Variants in GPC5 observed in about 807,000 individuals in gnomAD.
GPC5 encodes the protein glypican 5.
Under a neutral mutation model 53.9 loss-of-function variants are expected in GPC5, and 47 were observed. The ratio of observed to expected loss-of-function variants is 0.87; its 90% CI spans 0.69 to 1.11. The LOEUF is 1.11. Ranked by LOEUF, GPC5 falls within the 50% of genes most tolerant of loss-of-function variation. GPC5 has a pLI of 0.00. For missense variants in GPC5, 748 were observed against 713.1 expected, an observed-to-expected ratio of 1.05 and a Z score of -0.56; for synonymous variants, 286 against 263.3, an observed-to-expected ratio of 1.09 and a Z score of -0.84.
intron 2 of GPC5, among the ~76,000 whole-genome samples, chr13:91,484,689 A>G (rs993799301): frequency 6.6e-6 from 1 of 152,174 alleles, no homozygotes; most frequent in Non-Finnish European, 1.5e-5. Context: ...TTGCTTTCAC[A>G]TATTTTGTTG....
At chr13:92,135,981 CAGT>C (rs775004837) in intron 6 of GPC5, among the ~76,000 whole-genome samples, 1 of 152,004 alleles carries the variant, frequency 6.6e-6, no homozygotes, top group Non-Finnish European at 1.5e-5. Context: ...TTGAAAGAGA[CAGT>C]AGAAAAGTTT....
At chr13:92,422,855 C>A (rs2139364544) in intron 7 of GPC5, among the ~76,000 whole-genome samples, 1 of 152,334 alleles carries the variant, frequency 6.6e-6, no homozygotes, top group South Asian at 2.1e-4. Context: ...ATGAGTCACA[C>A]CATCAAAGCT....
intron 6 of GPC5, among the ~76,000 whole-genome samples, chr13:92,006,963 T>C (rs2040612705): frequency 7.1e-6 from 1 of 140,932 alleles, no homozygotes; most frequent in Non-Finnish European, 1.6e-5. Context: ...TCTGCTTTAA[T>C]TACATATCTT....
intron 6 of GPC5, among the ~76,000 whole-genome samples, chr13:92,122,431 A>C (rs1320026228): frequency 6.6e-6 from 1 of 151,870 alleles, no homozygotes; most frequent in African/African-American, 2.4e-5. Context: ...CGTAGCTCCG[A>C]TTACGCTTCT....
chr13:92,751,806 T>TTAAG lies in GPC5; in HGVS notation c.1562-114474_1562-114471dup, dbSNP rs1555309456. On this transcript the variant is annotated intron_variant, in intron 7 of 7. Transcript: ENST00000377067. ...CGTATGAGGGACATGACTTAAAACA[T>TTAAG]TAAGTTTGCAGCCCCATAGTTAAGT... Among the ~76,000 whole-genome samples, 8 of 152,210 alleles carry TTAAG rather than the reference T, an allele frequency of 5.3e-5. No individual in the cohort carries two copies. In the South Asian group the frequency reaches 1.7e-3, roughly 32 times the overall value.
intron 6 of GPC5, among the ~76,000 whole-genome samples, chr13:92,032,049 T>A (rs570515983): frequency 2.8e-4 from 38 of 136,372 alleles, no homozygotes; most frequent in African/African-American, 9.5e-4. Context: ...TTTATATATA[T>A]AAAATATATA....
chr13:91,814,491 A>T (rs577273429), intron 5 of GPC5, among the ~76,000 whole-genome samples: 349 of 152,172 alleles, frequency 2.3e-3, no homozygotes, highest in Non-Finnish European at 3.4e-3. Flanking sequence ...TTCTTAGTGG[A>T]ATGCAGTAGT....
intron 7 of GPC5, among the ~76,000 whole-genome samples, chr13:92,595,633 T>C (rs868413898): frequency 3.2e-4 from 48 of 151,292 alleles, no homozygotes; most frequent in African/African-American, 1.1e-3. Flanking sequence ...CCGGGCGTGG[T>C]GGCGGGCACC....
intron 7 of GPC5, among the ~76,000 whole-genome samples, chr13:92,149,386 T>C (rs895663656): frequency 6.6e-6 from 1 of 152,086 alleles, no homozygotes; most frequent in Non-Finnish European, 1.5e-5. Flanking sequence ...GAACAGAAAG[T>C]ATCTGACTTA....
Position 92,258,985 on chromosome 13 carries a change from G to A in GPC5, c.1561+113996G>A, listed in dbSNP as rs746096024. 7.2e-5 allele frequency among the ~76,000 whole-genome samples: 11 copies of A among 152,110 alleles called. No homozygotes were observed. The East Asian group carries it at 1.2e-3, about 16-fold the overall frequency. ...AAAATTCAAAAAATTTAAAATTTAC[G>A]TCTTGTGAGATAGAATGAATTTTGC... On this transcript the variant is annotated intron_variant, in intron 7 of 7. Transcript: ENST00000377067.
At chr13:92,095,214 G>T (rs913650990) in intron 6 of GPC5, among the ~76,000 whole-genome samples, 8 of 151,920 alleles carry the variant, frequency 5.3e-5, no homozygotes, top group African/African-American at 1.7e-4. Context: ...AATTGCTGAG[G>T]GACTCATATA....
At chr13:91,682,336 T>G (rs342669) in intron 2 of GPC5, among the ~76,000 whole-genome samples, 37,107 of 151,976 alleles carry the variant, frequency 0.24, 6,466 homozygotes, top group African/African-American at 0.5. Flanking sequence ...CAAAAGTTAG[T>G]GATTATTATT....
chr13:92,429,962 G>A (rs564000395), intron 7 of GPC5, among the ~76,000 whole-genome samples: 101 of 152,014 alleles, frequency 6.6e-4, no homozygotes, highest in Middle Eastern at 3.4e-3. Context: ...ATTGTGAAGA[G>A]AGTAGATTTT....
At chr13:91,682,060 TG>T (rs1416424418) in intron 2 of GPC5, among the ~76,000 whole-genome samples, 1 of 152,222 alleles carries the variant, frequency 6.6e-6, no homozygotes, top group Non-Finnish European at 1.5e-5. Flanking sequence ...ACTCAGAATC[TG>T]GAACCAAATA....
chr13:92,828,506 C>A (rs150969953), intron 7 of GPC5, among the ~76,000 whole-genome samples: 2 of 152,190 alleles, frequency 1.3e-5, no homozygotes, highest in African/African-American at 2.4e-5. Context: ...GGCTATATTT[C>A]GCACTTGTTC....
intron 7 of GPC5, among the ~76,000 whole-genome samples, chr13:92,159,161 A>C (rs1341988876): frequency 1.3e-5 from 2 of 151,776 alleles, no homozygotes; most frequent in Non-Finnish European, 2.9e-5. Flanking sequence ...AAATCCCTCA[A>C]CTCCCTATAA....
chr13:92,440,643 A>C (rs913820467), intron 7 of GPC5, among the ~76,000 whole-genome samples: 5 of 152,324 alleles, frequency 3.3e-5, no homozygotes, highest in Admixed American at 6.5e-5. Context: ...GTAGAATAAT[A>C]GTTCAGCTCT....
chr13:92,458,747 A>G (rs1479437121), intron 7 of GPC5, among the ~76,000 whole-genome samples: 1 of 152,070 alleles, frequency 6.6e-6, no homozygotes, highest in African/African-American at 2.4e-5. Context: ...TTCTTAATAT[A>G]TGGGCTACAG....
At chr13:92,266,261 T>C (rs1442893954) in intron 7 of GPC5, among the ~76,000 whole-genome samples, 1 of 152,180 alleles carries the variant, frequency 6.6e-6, no homozygotes, top group Non-Finnish European at 1.5e-5. Flanking sequence ...TGTGATTATC[T>C]TCCAGTTGAT....
Sources: allele counts gnomAD v4.1 joint callset (sites outside exome capture counted in the v4.1 genomes callset), GRCh38; gene constraint gnomAD v4.1.1; transcripts MANE v1.5; gene names NCBI Gene and HGNC (gene_info 2026-07-23, HGNC 2026-07-21).